The following CHN2 variants were observed in gnomAD, a reference collection of about 807,000 sequenced individuals.
CHN2 encodes the protein beta-chimaerin.
A neutral mutation model predicts 56.3 loss-of-function variants in CHN2; 35 were observed. The observed-to-expected ratio is 0.62, with a 90% CI of 0.47 to 0.82. CHN2 has a LOEUF of 0.82. Among genes scored for constraint, CHN2 ranks in the 40% least tolerant of loss-of-function variants. The pLI is 0.00. For missense variants in CHN2, 491 were observed against 580.5 expected (o/e 0.85, Z 1.58); for synonymous variants, 210 against 212.8 (o/e 0.99, Z 0.12).
rs187009432 is a variant in CHN2 at position 29,252,260 on chromosome 7, C to G, written c.49+57270C>G. ...CCGGAGTGCAGTGGTGCCATCTCAG[C>G]TCACTGCAACCTCCACCTTCCAGGT... On this transcript the variant is annotated intron_variant, in intron 1 of 12. Coordinates refer to ENST00000222792, the MANE Select transcript of CHN2 (RefSeq NM_004067.4). Among the ~76,000 whole-genome samples the G allele has an allele frequency of 1.5e-4, 22 of 146,544 alleles. No homozygotes were observed. The East Asian group carries it at 3.4e-3, about 23-fold the overall frequency.
At position 29,356,982 on chromosome 7, in the gene CHN2, G is replaced by A. The variant is rs78780947; in HGVS notation, c.88+2319G>A. On this transcript the variant is annotated intron_variant, in intron 2 of 12. Coordinates refer to ENST00000222792, the MANE Select transcript of CHN2 (RefSeq NM_004067.4). ...TATTTGTTGAGAGAATGCCACCACC[G>A]AAAGCTTTGCTGAAGCGAAAAGATG... 3.5e-3 allele frequency among the ~76,000 whole-genome samples: 536 copies of A among 152,268 alleles called. 6 individuals are homozygous for A. The highest frequency in any genetic ancestry group is 0.013 in the African/African-American group (520 of 41,532).
upstream of CHN2, chr7:29,194,703 T>C: frequency 2.5e-6 from 1 of 403,328 alleles, no homozygotes; most frequent in Non-Finnish European, 4.3e-6. Flanking sequence ...CTGACACCCA[T>C]AGAAAAGCGT....
intron 6 of CHN2, among the ~76,000 whole-genome samples, chr7:29,425,428 A>C (rs892642228): frequency 6.6e-6 from 1 of 151,922 alleles, no homozygotes; most frequent in African/African-American, 2.4e-5. Context: ...TGGTAGATAC[A>C]AGAAACTCAG....
chr7:29,157,770 A>T (rs1383035550), intron 2 of CHN2, among the ~76,000 whole-genome samples: 1 of 152,180 alleles, frequency 6.6e-6, no homozygotes, highest in African/African-American at 2.4e-5. Context: ...TTTTTCTGCC[A>T]GAACAAATTA....
intron 4 of CHN2, among the ~76,000 whole-genome samples, chr7:29,393,970 C>T (rs1288128420): frequency 6.6e-6 from 1 of 152,206 alleles, no homozygotes; most frequent in Admixed American, 6.5e-5. Flanking sequence ...CTGGCAAGTA[C>T]TTGAAACGGA....
intron 6 of CHN2, among the ~76,000 whole-genome samples, chr7:29,414,236 A>G (rs984503869): frequency 4.6e-5 from 7 of 152,124 alleles, no homozygotes; most frequent in African/African-American, 1.7e-4. Flanking sequence ...GTGATGCCTG[A>G]CCCAGCTCTC....
At chr7:29,262,140 C>T (rs1484501048) in intron 1 of CHN2, among the ~76,000 whole-genome samples, 1 of 152,158 alleles carries the variant, frequency 6.6e-6, no homozygotes, top group Admixed American at 6.5e-5. Context: ...TGTATTCCAG[C>T]CTGGGTGACA....
Position 29,499,924 on chromosome 7 carries a change from C to T in CHN2, c.797C>T (p.Pro266Leu). 6.2e-7 allele frequency: 1 copy of T among 1,612,650 alleles called. No homozygotes were observed. The highest frequency in any genetic ancestry group is 8.5e-7 in the Non-Finnish European group (1 of 1,179,552). Residue 266 changes from proline to leucine, a missense_variant, in exon 9 of 13, where the codon CCT becomes CTT. Pro to Leu is a moderately conservative substitution (Grantham distance 98, BLOSUM62 -3). Transcript: ENST00000222792. ...CSKHVPNDCQ[P>L]DLKRIKKVYC... ...AAGCACGTTCCCAATGACTGCCAAC[C>T]TGATCTCAAGAGGATCAAGAAAGTG...
At chr7:29,441,987 A>G (rs1029854912) in intron 6 of CHN2, among the ~76,000 whole-genome samples, 1 of 152,194 alleles carries the variant, frequency 6.6e-6, no homozygotes, top group African/African-American at 2.4e-5. Flanking sequence ...ACAAATGTTC[A>G]TAACAGAACT....
At chr7:29,267,458 G>A (rs1790247589) in intron 1 of CHN2, among the ~76,000 whole-genome samples, 1 of 152,022 alleles carries the variant, frequency 6.6e-6, no homozygotes, top group South Asian at 2.1e-4. Flanking sequence ...TAGCCAGGCT[G>A]GTCTCGAACT....
chr7:29,320,834 C>A (rs1001385155), intron 1 of CHN2, among the ~76,000 whole-genome samples: 1 of 152,152 alleles, frequency 6.6e-6, no homozygotes, highest in African/African-American at 2.4e-5. Flanking sequence ...CATGTTCTTT[C>A]TTCCTTTCAC....
intron 1 of CHN2, among the ~76,000 whole-genome samples, chr7:29,337,363 C>T (rs1056393364): frequency 1.3e-5 from 2 of 152,118 alleles, no homozygotes; most frequent in African/African-American, 4.8e-5. Context: ...TCACATGCTG[C>T]GATTAGGAAG....
chr7:29,182,101 A>C (rs891338140), intron 2 of CHN2, among the ~76,000 whole-genome samples: 25 of 152,224 alleles, frequency 1.6e-4, no homozygotes, highest in African/African-American at 5.3e-4. Flanking sequence ...TTCCTTTTGC[A>C]AAATGAGAAC....
chr7:29,383,339 C>T (rs991401694), intron 3 of CHN2, among the ~76,000 whole-genome samples: 2 of 152,054 alleles, frequency 1.3e-5, no homozygotes, highest in African/African-American at 4.8e-5. Context: ...GGTCTAAGAA[C>T]CAAGAATACC....
chr7:29,331,226 G>C lies in CHN2; in HGVS notation c.50-23399G>C, dbSNP rs1796186502. Among the ~76,000 whole-genome samples, 3 of 152,212 alleles carry C rather than the reference G, an allele frequency of 2.0e-5. No homozygotes were observed. In the South Asian group the frequency reaches 6.2e-4, roughly 32 times the overall value. On this transcript the variant is annotated intron_variant, in intron 1 of 12. Coordinates refer to ENST00000222792, the MANE Select transcript of CHN2 (RefSeq NM_004067.4). Reference sequence around the variant, plus strand: ...TGGGGACAGAAGGCACACTCAGCTGGGATGTTGAAGAGCAGTTAATGGAGG... The same window carrying C: ...TGGGGACAGAAGGCACACTCAGCTGCGATGTTGAAGAGCAGTTAATGGAGG...
Position 29,260,489 on chromosome 7 carries a change from G to A in CHN2, c.49+65499G>A, listed in dbSNP as rs973762014. Reference sequence around the variant, plus strand: ...TTCAGAAAGCTTTTTGGGCCACTGAGTGAAGGTCCATTGCAGTGAGGAGGG... The same window carrying A: ...TTCAGAAAGCTTTTTGGGCCACTGAATGAAGGTCCATTGCAGTGAGGAGGG... On this transcript the variant is annotated intron_variant, in intron 1 of 12. Transcript: ENST00000222792. Among the ~76,000 whole-genome samples, 5 of 152,220 alleles carry A rather than the reference G, an allele frequency of 3.3e-5. No homozygotes were observed. The South Asian group carries it at 8.3e-4, about 25-fold the overall frequency.
Position 29,273,379 on chromosome 7 carries a change from A to G in CHN2, c.49+78389A>G, listed in dbSNP as rs1305888085. Among the ~76,000 whole-genome samples the G allele has an allele frequency of 4.7e-3, 261 of 56,102 alleles. 11 individuals are homozygous for G. The highest frequency in any genetic ancestry group is 0.021 in the Middle Eastern group (3 of 140). 36.8% of individuals were successfully genotyped at this position (56,102 alleles called of 152,430 possible). ...TATATATATATATATATATATATAT[A>G]TATATATATACACACACCACATTTT... On this transcript the variant is annotated intron_variant, in intron 1 of 12. Coordinates refer to ENST00000222792, the MANE Select transcript of CHN2 (RefSeq NM_004067.4).
At chr7:29,189,362 A>G (rs1364690548) in intron 2 of CHN2, among the ~76,000 whole-genome samples, 1 of 152,192 alleles carries the variant, frequency 6.6e-6, no homozygotes, top group East Asian at 1.9e-4. Flanking sequence ...ATGAACAGGT[A>G]GTAGAGAATG....
At chr7:29,207,401 G>A (rs530296130) in intron 1 of CHN2, among the ~76,000 whole-genome samples, 92 of 152,138 alleles carry the variant, frequency 6.0e-4, no homozygotes, top group Middle Eastern at 3.4e-3. Flanking sequence ...TTGCTCTCTA[G>A]GGCTGGTTAG....
Sources: gnomAD v4.1 joint callset for allele counts (sites outside exome capture counted in the v4.1 genomes callset) on GRCh38, gnomAD v4.1.1 for gene constraint, MANE v1.5 for transcripts, NCBI Gene and HGNC (gene_info 2026-07-23, HGNC 2026-07-21) for gene names.